MLLT6: variants seen among roughly 807,000 people sequenced by gnomAD.
MLLT6 encodes the protein protein AF-17.
MLLT6 carries 22 observed loss-of-function variants against 103.0 expected under a neutral mutation model. The ratio of observed to expected loss-of-function variants is 0.21; its 90% CI spans 0.15 to 0.31. MLLT6 has a LOEUF of 0.31. Ranked by LOEUF, MLLT6 falls within the 10% of genes least tolerant of loss-of-function variation. The pLI is 1.00. For missense variants in MLLT6, 1,199 were observed against 1,441.7 expected, an observed-to-expected ratio of 0.83 and a Z score of 2.73; for synonymous variants, 606 against 623.5, an observed-to-expected ratio of 0.97 and a Z score of 0.42.
rs749057447 is a variant in MLLT6, at chr17:38,715,664, C to T, written c.872C>T (p.Thr291Ile). Residue 291 changes from threonine to isoleucine, a missense_variant, in exon 9 of 20, where the codon ACC becomes ATC. Transcript: ENST00000621332. ...CACCACGAGGCCAGCACGCAGGAGA[C>T]CTCTGAGAGCAGCAGGGAGTCAAAG... ...SSHHEASTQE[T>I]SESSRESKGK... is the part of the protein sequence containing the mutation. 2.5e-6 allele frequency: 4 copies of T among 1,614,010 alleles called. No individual in the cohort carries two copies. The highest frequency in any genetic ancestry group is 3.4e-6 in the Non-Finnish European group (4 of 1,180,024).
intron 8 of MLLT6, chr17:38,713,340 A>T (rs1905210300): frequency 7.8e-6 from 3 of 383,318 alleles, no homozygotes; most frequent in Admixed American, 4.3e-5. Flanking sequence ...AATGGGCAAC[A>T]TCTGGCTGAG....
chr17:38,716,483 G>A lies in MLLT6; in HGVS notation c.1153G>A (p.Ala385Thr). 6.2e-7 allele frequency: 1 copy of A among 1,614,084 alleles called. No individual in the cohort carries two copies. The highest frequency in any genetic ancestry group is 1.1e-5 in the South Asian group (1 of 91,074). ...CCCTTCAGCCCCTCCTTCTCCCTCAGCTCCCGAGCCCCCCAAGGCTGACCT... is the reference window on the plus strand; with the variant it reads ...CCCTTCAGCCCCTCCTTCTCCCTCAACTCCCGAGCCCCCCAAGGCTGACCT... ...PAPSAPPSPS[A>T]PEPPKADLFE... Residue 385 changes from alanine (A) to threonine (T), a missense_variant, in exon 10 of 20, where the codon GCT becomes ACT. This residue lies in a region of MLLT6 where 1,034 missense variants were observed against 1,091.5 expected (regional missense o/e 0.95). Coordinates refer to ENST00000621332, the MANE Select transcript of MLLT6 (RefSeq NM_005937.4). This position sits in a 1 kb window ranked among gnomAD's most constrained non-coding sequence, Gnocchi z 5.6.
intron 1 of MLLT6, 87 bp from the exon 2 acceptor site, chr17:38,706,863 C>G (rs556792704): frequency 3.4e-5 from 40 of 1,163,952 alleles, no homozygotes; most frequent in Non-Finnish European, 5.0e-5. Flanking sequence ...GGCTCTAGTC[C>G]TTTGGAGTCA....
intron 18 of MLLT6, among the ~76,000 whole-genome samples, chr17:38,723,990 G>T (rs936687996): frequency 2.6e-5 from 4 of 152,100 alleles, no homozygotes; most frequent in Non-Finnish European, 5.9e-5. Context: ...TGATCCACCG[G>T]CCTCAGCCTC....
In MLLT6 at chr17:38,705,383, T is replaced by TGG. The variant is rs561223711; in HGVS notation, c.-243_-242dup. Among the ~76,000 whole-genome samples, 91 of 121,786 alleles carry TGG rather than the reference T, an allele frequency of 7.5e-4. No individual in the cohort carries two copies. Among genetic ancestry groups the TGG allele is most frequent in the Middle Eastern group, 4.3e-3 (1 of 230 alleles). 79.9% of individuals were successfully genotyped at this position (121,786 alleles called of 152,430 possible). On this transcript the variant is annotated 5_prime_UTR_variant, in exon 1 of 20. Transcript: ENST00000621332. The stretch of plus-strand genomic sequence containing the variant: ...GCCCGGCGTGCGAGTCTCATTGTTG[T>TGG]GGGGGGGGCCCGTCGGGGCATGAGG...
At chr17:38,715,219 T>C (rs1171054158) in intron 8 of MLLT6, 1 of 173,688 alleles carries the variant, frequency 5.8e-6, no homozygotes, top group Non-Finnish European at 1.2e-5. Context: ...CTGTGGGTCC[T>C]CTTCTCTGCC....
At chr17:38,714,246 C>T (rs1296665970) in intron 8 of MLLT6, 1 of 152,190 alleles carries the variant, frequency 6.6e-6, no homozygotes, top group Non-Finnish European at 1.5e-5. Flanking sequence ...CCTGAGATTC[C>T]AATGCAGTCT....
intron 4 of MLLT6, 173 bp downstream of exon 4, chr17:38,708,045 T>C (rs1180690638): frequency 1.8e-5 from 11 of 596,652 alleles, no homozygotes; most frequent in Non-Finnish European, 2.7e-5. Flanking sequence ...ACACTCATGC[T>C]CTGGCACTCA....
chr17:38,713,121 C>T (rs1166580499), intron 8 of MLLT6: 2 of 718,346 alleles, frequency 2.8e-6, no homozygotes, highest in Non-Finnish European at 5.2e-6. Flanking sequence ...GGGCCCCTGT[C>T]CCCAGAGATC....
In MLLT6 at chr17:38,722,091, G is replaced by T; in HGVS notation, c.2656G>T (p.Gly886Trp). The T allele has an allele frequency of 2.9e-6, 4 of 1,374,322 alleles. No homozygotes were observed. Among genetic ancestry groups the T allele is most frequent in the South Asian group, 1.6e-5 (1 of 61,388 alleles). The allele number at this position is 1,374,322 out of a possible 1,614,324, so 85.1% of individuals were successfully genotyped here. A position where few individuals can be genotyped will look rare whatever the true frequency, so the allele number is the denominator to read the frequency against. Residue 886 changes from glycine (G) to tryptophan (W), a missense_variant, in exon 17 of 20, where the codon GGG becomes TGG. This residue lies in a region of MLLT6 where 1,034 missense variants were observed against 1,091.5 expected (regional missense o/e 0.95). Transcript: ENST00000621332. ...GAMPMAEGLL[G>W]GLAGSGGLPL... ...CATGCCCATGGCTGAGGGGCTGTTG[G>T]GGGGGCTGGCAGGCAGTGGGGGCCT...
chr17:38,720,905 G>A (rs1905694648), intron 16 of MLLT6, 158 bp downstream of exon 16: 4 of 681,782 alleles, frequency 5.9e-6, no homozygotes, highest in Non-Finnish European at 9.8e-6. Flanking sequence ...ATATTTATGA[G>A]GTGCCCACTT....
chr17:38,724,431 C>T lies in MLLT6; in HGVS notation c.2884-189C>T, dbSNP rs1333008079. ...GCTGGCAAATACCAATGGCGTGCAA[C>T]CATTTTCTTGTCTAGATGGGGAGAC... On this transcript the variant is annotated intron_variant, in intron 18 of 19. Coordinates refer to ENST00000621332, the MANE Select transcript of MLLT6 (RefSeq NM_005937.4). The surrounding 1 kb of genome is among the most constrained non-coding windows in gnomAD (Gnocchi z 5.4). The T allele has an allele frequency of 1.9e-6, 1 of 540,022 alleles. No homozygotes were observed. Among genetic ancestry groups the T allele is most frequent in the Non-Finnish European group, 3.3e-6 (1 of 307,040 alleles). The allele number at this position is 540,022 out of a possible 1,614,324, so 33.5% of individuals were successfully genotyped here.
chr17:38,721,634 T>C (rs917794193), intron 16 of MLLT6, among the ~76,000 whole-genome samples: 2 of 152,210 alleles, frequency 1.3e-5, no homozygotes, highest in African/African-American at 4.8e-5. Context: ...GTCACCACCA[T>C]CATCATTGTC....
At chr17:38,720,246 C>T in intron 14 of MLLT6, 126 bp from the exon 15 acceptor site, 1 of 929,436 alleles carries the variant, frequency 1.1e-6, no homozygotes, top group Non-Finnish European at 1.6e-6. Flanking sequence ...TCACCTGTGT[C>T]CCTCCTTAGG....
Position 38,719,905 on chromosome 17 carries a change from G to A in MLLT6, c.2155+10G>A, listed in dbSNP as rs1905598273. On this transcript the variant is annotated intron_variant, in intron 14 of 19. Transcript: ENST00000621332. ...GAGGCCGGCGTCAACAGTGAGGAGG[G>A]GTGGCGCCGGTCGGGACGCCTGCCC... The A allele has an allele frequency of 1.3e-6, 2 of 1,565,052 alleles. No homozygotes were observed.
intron 6 of MLLT6, 43 bp from the exon 7 acceptor site, chr17:38,711,804 C>G: frequency 1.4e-6 from 2 of 1,472,338 alleles, no homozygotes; most frequent in Non-Finnish European, 1.8e-6. Context: ...TCCCTAAGCC[C>G]GTGAGAAGAG....
intron 4 of MLLT6, chr17:38,708,106 G>A (rs1035007780): frequency 9.0e-6 from 5 of 553,554 alleles, no homozygotes; most frequent in African/African-American, 5.7e-5. Context: ...GTAGACCTTC[G>A]CAGTTACTTC....
intron 8 of MLLT6, 77 bp downstream of exon 8, chr17:38,712,866 G>A: frequency 5.7e-6 from 6 of 1,052,482 alleles, no homozygotes; most frequent in South Asian, 5.2e-5. Flanking sequence ...GCGAGAGGTT[G>A]GTGAGTCAGG....
chr17:38,712,166 G>C, intron 7 of MLLT6, 152 bp downstream of exon 7: 3 of 1,338,850 alleles, frequency 2.2e-6, no homozygotes, highest in Non-Finnish European at 9.7e-7. Flanking sequence ...GGGCTGAAAT[G>C]AAACGGTGGG....
Sources: allele counts gnomAD v4.1 joint callset (sites outside exome capture counted in the v4.1 genomes callset), GRCh38; gene constraint gnomAD v4.1.1; regional missense constraint gnomAD v4.1.1; non-coding constraint Gnocchi (gnomAD v3.1); transcripts MANE v1.5; gene names NCBI Gene and HGNC (gene_info 2026-07-23, HGNC 2026-07-21).